Variants in ABCA13 observed in about 807,000 individuals in gnomAD.
ABCA13 encodes the protein ATP-binding cassette sub-family A member 13.
Under a neutral mutation model 478.7 loss-of-function variants are expected in ABCA13, and 476 were observed. The ratio of observed to expected loss-of-function variants is 0.99; its 90% CI spans 0.92 to 1.07. The LOEUF (loss-of-function observed/expected upper bound fraction) is 1.07. ABCA13 is among the 50% of genes least tolerant of loss of function. The pLI is 0.00. For synonymous variants in ABCA13, 2,252 were observed against 2,158.9 expected, an observed-to-expected ratio of 1.04 and a Z score of -1.20; for missense variants, 6,060 against 5,910.6, an observed-to-expected ratio of 1.03 and a Z score of -0.83.
chr7:48,252,659 T>G (rs1160413666), intron 15 of ABCA13, among the ~76,000 whole-genome samples: 1 of 152,232 alleles, frequency 6.6e-6, no homozygotes, highest in Non-Finnish European at 1.5e-5. Flanking sequence ...AATCTCTCTC[T>G]CTTTGCTAAT....
At chr7:48,200,868 C>T (rs1204031457) in intron 3 of ABCA13, among the ~76,000 whole-genome samples, 1 of 152,206 alleles carries the variant, frequency 6.6e-6, no homozygotes, top group Non-Finnish European at 1.5e-5. Context: ...TTAAAAAATA[C>T]CTGAAAGCGG....
At chr7:48,396,051 C>T (rs961062655) in intron 38 of ABCA13, among the ~76,000 whole-genome samples, 22 of 152,184 alleles carry the variant, frequency 1.4e-4, no homozygotes, top group Admixed American at 1.4e-3. Context: ...ATGCTGAGGC[C>T]AGCTGTGGTG....
rs1817235507 is a variant in ABCA13 at position 48,399,018 on chromosome 7, T to C, written c.11874-4665T>C. On this transcript the variant is annotated intron_variant, in intron 38 of 61. Transcript: ENST00000435803. ...TAAAAAATGGCCTTTGGATTTAGTA[T>C]GTGGAGGGCTCTAGTGACCTCTGGA... is the stretch of plus-strand genomic sequence containing the variant. Among the ~76,000 whole-genome samples, 4 of 152,124 alleles carry C rather than the reference T, an allele frequency of 2.6e-5. No homozygotes were observed. The South Asian group carries it at 8.3e-4, about 32-fold the overall frequency.
chr7:48,484,935 C>G (rs1183125475), intron 47 of ABCA13, among the ~76,000 whole-genome samples: 7 of 152,186 alleles, frequency 4.6e-5, no homozygotes, highest in Non-Finnish European at 8.8e-5. Flanking sequence ...TTTCTTTCAG[C>G]CCTTAGGCTA....
chr7:48,341,116 A>C (rs1341023527), intron 29 of ABCA13, among the ~76,000 whole-genome samples: 3 of 152,202 alleles, frequency 2.0e-5, no homozygotes, highest in Non-Finnish European at 4.4e-5. Context: ...AATGTTGTTC[A>C]GTGCAGAGTC....
intron 17 of ABCA13, among the ~76,000 whole-genome samples, chr7:48,277,639 C>A (rs1461520704): frequency 6.6e-6 from 1 of 152,124 alleles, no homozygotes; most frequent in Non-Finnish European, 1.5e-5. Flanking sequence ...AAGAAAGGGG[C>A]TTCTTCAGCT....
chr7:48,420,329 C>G (rs1820576935), intron 41 of ABCA13, among the ~76,000 whole-genome samples: 1 of 152,192 alleles, frequency 6.6e-6, no homozygotes, highest in African/African-American at 2.4e-5. Context: ...GTACTTTCTA[C>G]TCCAATGCTT....
intron 41 of ABCA13, among the ~76,000 whole-genome samples, chr7:48,416,948 T>C (rs1258874695): frequency 2.6e-5 from 4 of 152,206 alleles, no homozygotes; most frequent in African/African-American, 9.7e-5. Context: ...ACCTTTTTTT[T>C]TTTTTAAACA....
At chr7:48,482,713 G>T (rs1828899737) in intron 46 of ABCA13, among the ~76,000 whole-genome samples, 1 of 152,104 alleles carries the variant, frequency 6.6e-6, no homozygotes, top group South Asian at 2.1e-4. Flanking sequence ...CTGAATAATG[G>T]ATTTGTAGAG....
intron 6 of ABCA13, among the ~76,000 whole-genome samples, chr7:48,228,458 T>C (rs1206129428): frequency 3.3e-5 from 5 of 152,306 alleles, no homozygotes; most frequent in African/African-American, 1.2e-4. Flanking sequence ...ATTCTAGGGA[T>C]GGCTGCAGCC....
intron 6 of ABCA13, among the ~76,000 whole-genome samples, chr7:48,227,638 T>C (rs562138945): frequency 2.6e-5 from 4 of 152,308 alleles, no homozygotes; most frequent in African/African-American, 9.6e-5. Flanking sequence ...TCAGAGCGTG[T>C]GCTCCCTGAT....
rs547280770 is a variant in ABCA13 at position 48,288,043 on chromosome 7, A to T, written c.8920A>T (p.Ile2974Leu). ...NGIRHLILSA[I>L]QGVTLAQDHF... ...GATAAGGCATCTCATTTTATCTGCT[A>T]TACAAGGGGTCACTTTGGCGCAGGA... The change falls in exon 20 of 62, where the codon ATA becomes TTA. Residue 2974 changes from isoleucine (I) to leucine (L), a missense_variant. Coordinates refer to ENST00000435803, the MANE Select transcript of ABCA13 (RefSeq NM_152701.5). The T allele has an allele frequency of 6.2e-7, 1 of 1,614,012 alleles. No individual in the cohort carries two copies. The highest frequency in any genetic ancestry group is 1.1e-5 in the South Asian group (1 of 91,078).
chr7:48,430,115 C>T (rs1821940614), intron 42 of ABCA13, among the ~76,000 whole-genome samples: 1 of 152,066 alleles, frequency 6.6e-6, no homozygotes, highest in African/African-American at 2.4e-5. Context: ...TTGGTATTAG[C>T]TCTTCTTTCA....
intron 41 of ABCA13, among the ~76,000 whole-genome samples, chr7:48,421,809 A>G (rs1321301575): frequency 6.6e-6 from 1 of 152,158 alleles, no homozygotes; most frequent in Non-Finnish European, 1.5e-5. Context: ...CTCTAATTCC[A>G]ATCCAATTAC....
chr7:48,183,143 C>A (rs145181999), intron 1 of ABCA13, among the ~76,000 whole-genome samples: 4 of 152,124 alleles, frequency 2.6e-5, no homozygotes, highest in African/African-American at 9.7e-5. Flanking sequence ...TCTCAGCCAA[C>A]GAGATCTTCT....
In ABCA13 at chr7:48,275,487, G is replaced by C; in HGVS notation, c.5821G>C (p.Glu1941Gln). Residue 1941 changes from glutamate (E) to glutamine (Q), a missense_variant, in exon 17 of 62, where the codon GAA (glutamate) becomes CAA (glutamine). Glu to Gln is a conservative substitution (Grantham distance 29). Coordinates refer to ENST00000435803, the MANE Select transcript of ABCA13 (RefSeq NM_152701.5). Reference protein sequence around the residue: ...SINQTRDSISELCPSGSIKQV... With the variant: ...SINQTRDSISQLCPSGSIKQV... Reference sequence around the variant, plus strand: ...AAATCAAACTAGGGATAGCATCTCTGAACTCTGTCCTAGTGGTTCCATAAA... The same window carrying C: ...AAATCAAACTAGGGATAGCATCTCTCAACTCTGTCCTAGTGGTTCCATAAA... 2 of 1,613,834 alleles carry C rather than the reference G, an allele frequency of 1.2e-6. No homozygotes were observed. Among genetic ancestry groups the C allele is most frequent in the Non-Finnish European group, 1.7e-6 (2 of 1,179,828 alleles).
At position 48,273,107 on chromosome 7, in the gene ABCA13, C is replaced by A; in HGVS notation, c.3441C>A (p.Thr1147=). The A allele has an allele frequency of 6.2e-7, 1 of 1,613,592 alleles. No homozygotes were observed. Among genetic ancestry groups the A allele is most frequent in the Non-Finnish European group, 8.5e-7 (1 of 1,179,736 alleles). Residue 1147 remains threonine (T), a synonymous_variant, in exon 17 of 62, where the codon ACC becomes ACA. Coordinates refer to ENST00000435803, the MANE Select transcript of ABCA13 (RefSeq NM_152701.5). The part of the protein sequence containing the change: ...VFNKFMSIHC[T]VSWLQMWTEI... ...ACAAGTTTATGTCCATTCACTGTACCGTTTCATGGCTTCAAATGTGGACTG... is the reference window on the plus strand; with the variant it reads ...ACAAGTTTATGTCCATTCACTGTACAGTTTCATGGCTTCAAATGTGGACTG...
chr7:48,528,189 T>C, intron 54 of ABCA13, 47 bp from the exon 55 acceptor site: 2 of 1,431,508 alleles, frequency 1.4e-6, no homozygotes, highest in South Asian at 1.2e-5. Context: ...TCTATTTATT[T>C]AGCTTGTTTG....
intron 58 of ABCA13, among the ~76,000 whole-genome samples, chr7:48,598,757 G>A (rs1381043458): frequency 6.6e-6 from 1 of 151,724 alleles, no homozygotes; most frequent in Non-Finnish European, 1.5e-5. Flanking sequence ...AGAACTATTT[G>A]TTCAAATGAA....
Sources: gnomAD v4.1 joint callset for allele counts (sites outside exome capture counted in the v4.1 genomes callset) on GRCh38, gnomAD v4.1.1 for gene constraint, MANE v1.5 for transcripts, NCBI Gene and HGNC (gene_info 2026-07-23, HGNC 2026-07-21) for gene names.